Variants in MRPS16 observed in about 807,000 individuals in gnomAD.
MRPS16 encodes the protein mitochondrial ribosomal protein S16.
A neutral mutation model predicts 11.0 loss-of-function variants in MRPS16; 5 were observed. That is an observed-to-expected ratio of 0.46 (90% CI 0.24 to 0.96). MRPS16 has a LOEUF of 0.96. Ranked by LOEUF, MRPS16 falls within the 40% of genes least tolerant of loss-of-function variation. The pLI is 0.20. For missense variants in MRPS16, 179 were observed against 174.4 expected, an observed-to-expected ratio of 1.03 and a Z score of -0.15; for synonymous variants, 76 against 65.0, an observed-to-expected ratio of 1.17 and a Z score of -0.81.
intron 1 of MRPS16, 108 bp from the exon 2 acceptor site, chr10:73,252,131 T>C (rs1017113138): frequency 6.9e-7 from 1 of 1,459,846 alleles, no homozygotes; most frequent in African/African-American, 1.4e-5. Context: ...TCCAATCCAT[T>C]CCTGTCAATC....
chr10:73,252,142 C>T, intron 1 of MRPS16, 119 bp from the exon 2 acceptor site: 5 of 1,417,978 alleles, frequency 3.5e-6, no homozygotes, highest in Non-Finnish European at 4.8e-6. Flanking sequence ...CCTGTCAATC[C>T]AGTTTAGATG....
At chr10:73,252,353 G>A (rs1434554643) in intron 1 of MRPS16, 117 bp downstream of exon 1, 2 of 1,427,306 alleles carry the variant, frequency 1.4e-6, no homozygotes, top group Middle Eastern at 2.2e-4. Context: ...GTAAGGCAGT[G>A]TGGCTGCTTC....
In MRPS16 at chr10:73,250,996, A is replaced by C. The variant is rs763591161; in HGVS notation, c.275-5T>G. On this transcript the variant is annotated splice_polypyrimidine_tract_variant and splice_region_variant and intron_variant, in intron 2 of 2. Transcript: ENST00000372945. ...GAGGGAAAAAGCCAGCAAGACCTAA[A>C]AGTAACAGATTTTTCACTTATTATA... 9 of 1,614,042 alleles carry C rather than the reference A, an allele frequency of 5.6e-6. No individual in the cohort carries two copies. Among genetic ancestry groups the C allele is most frequent in the Non-Finnish European group, 5.1e-6 (6 of 1,179,948 alleles).
At chr10:73,251,333 G>A (rs2044090530) in intron 2 of MRPS16, among the ~76,000 whole-genome samples, 1 of 151,998 alleles carries the variant, frequency 6.6e-6, no homozygotes, top group African/African-American at 2.4e-5. Context: ...CACAACTTCA[G>A]CTCCCACTTC....
In MRPS16 at chr10:73,250,788, G is replaced by T; in HGVS notation, c.*64C>A. 1 of 1,588,420 alleles carries T rather than the reference G, an allele frequency of 6.3e-7. No homozygotes were observed. The highest frequency in any genetic ancestry group is 1.1e-5 in the South Asian group (1 of 90,430). ...CTCCAAATCTAACAAAATTAAGATCGCTGCAGTGTTTCAAAAGGACCTTGA... is the reference window on the plus strand; with the variant it reads ...CTCCAAATCTAACAAAATTAAGATCTCTGCAGTGTTTCAAAAGGACCTTGA... On this transcript the variant is annotated 3_prime_UTR_variant, in exon 3 of 3. Transcript: ENST00000372945.
intron 1 of MRPS16, 116 bp from the exon 2 acceptor site, chr10:73,252,139 A>G (rs1260767729): frequency 6.9e-7 from 1 of 1,448,242 alleles, no homozygotes; most frequent in African/African-American, 1.4e-5. Context: ...ATTCCTGTCA[A>G]TCCAGTTTAG....
In MRPS16 at chr10:73,251,648, T is replaced by C. The variant is rs1165967860; in HGVS notation, c.274+115A>G. 47 of 1,468,906 alleles carry C rather than the reference T, an allele frequency of 3.2e-5. 1 individual carries two copies. In the South Asian group the frequency reaches 5.1e-4, roughly 16 times the overall value. The allele number at this position is 1,468,906 out of a possible 1,614,324, so 91.0% of individuals were successfully genotyped here. A position where few individuals can be genotyped will look rare whatever the true frequency, so the allele number is the denominator to read the frequency against. On this transcript the variant is annotated intron_variant, in intron 2 of 2. Coordinates refer to ENST00000372945, the MANE Select transcript of MRPS16 (RefSeq NM_016065.4). ...CGCCCGCCTCGGCCTCCCAAAGCGC[T>C]GAGATTACAGGCGTGAGCCACCGTG...
At position 73,249,030 on chromosome 10, in the gene MRPS16, T is replaced by C. The variant is rs1344699024; in HGVS notation, c.*1822A>G. On this transcript the variant is annotated 3_prime_UTR_variant, in exon 3 of 3. Transcript: ENST00000372945. Reference sequence around the variant, plus strand: ...GCCTCCTGGGCTCAAGTGATCTTACTGCCTCAGCTTCCCGAGTAGCTGGAA... The same window carrying C: ...GCCTCCTGGGCTCAAGTGATCTTACCGCCTCAGCTTCCCGAGTAGCTGGAA... The C allele has an allele frequency of 3.4e-6, 2 of 589,120 alleles. No individual in the cohort carries two copies. Among genetic ancestry groups the C allele is most frequent in the Non-Finnish European group, 6.4e-6 (2 of 312,004 alleles). 36.5% of individuals were successfully genotyped at this position (589,120 alleles called of 1,614,324 possible).
intron 1 of MRPS16, 72 bp downstream of exon 1, chr10:73,252,398 T>C (rs1466598380): frequency 6.2e-7 from 1 of 1,600,760 alleles, no homozygotes; most frequent in Non-Finnish European, 8.5e-7. Context: ...CTGGGAGAGC[T>C]CTCCCCACCC....
intron 1 of MRPS16, 147 bp downstream of exon 1, chr10:73,252,323 A>G: frequency 7.8e-7 from 1 of 1,287,744 alleles, no homozygotes; most frequent in Non-Finnish European, 1.1e-6. Flanking sequence ...GTGGGGAAAA[A>G]ACTGAGAGAA....
At chr10:73,251,115 A>T in intron 2 of MRPS16, 124 bp from the exon 3 acceptor site, 4 of 1,110,872 alleles carry the variant, frequency 3.6e-6, no homozygotes, top group Non-Finnish European at 5.4e-6. Flanking sequence ...CATGCTCCTC[A>T]CTTGCCAAAC....
rs760124734 is a variant in MRPS16 at position 73,250,985 on chromosome 10, G to C, written c.281C>G (p.Ala94Gly). The change falls in exon 3 of 3, where the codon GCT becomes GGT. Residue 94 changes from alanine to glycine, a missense_variant. Physicochemically the swap from Ala to Gly is moderately conservative, Grantham distance 60. Transcript: ENST00000372945. ...SKPMEKLLGL[A>G]GFFPLHPMMI... The stretch of plus-strand genomic sequence containing the variant: ...CATAGGATGCAGAGGGAAAAAGCCA[G>C]CAAGACCTAAAAGTAACAGATTTTT... 1.2e-6 allele frequency: 2 copies of C among 1,614,112 alleles called. No individual in the cohort carries two copies. The highest frequency in any genetic ancestry group is 1.7e-6 in the Non-Finnish European group (2 of 1,179,984).
At chr10:73,252,302 G>A (rs1421838286) in intron 1 of MRPS16, 168 bp downstream of exon 1, 1 of 1,180,376 alleles carries the variant, frequency 8.5e-7, no homozygotes, top group Non-Finnish European at 1.2e-6. Context: ...AAATTTTTCA[G>A]CGGTGATTAA....
rs2044111140 is a variant in MRPS16 at position 73,251,917 on chromosome 10, C to CT, written c.119dup (p.Cys41ValfsTer15). On this transcript the variant is annotated frameshift_variant, in exon 2 of 3. Transcript: ENST00000372945. LOFTEE classifies it high-confidence loss of function. ...CTACGAAACGGCCATCCCTGGGACACTTGTTGTGAGCAGCCACAATGCGGT... is the reference window on the plus strand; with the variant it reads ...CTACGAAACGGCCATCCCTGGGACACTTTGTTGTGAGCAGCCACAATGCGGT... 6.2e-7 allele frequency: 1 copy of CT among 1,614,068 alleles called. No homozygotes were observed. Among genetic ancestry groups the CT allele is most frequent in the Non-Finnish European group, 8.5e-7 (1 of 1,180,050 alleles).
In MRPS16 at chr10:73,250,623, G is replaced by A. The variant is rs1391588294; in HGVS notation, c.*229C>T. 6 of 541,324 alleles carry A rather than the reference G, an allele frequency of 1.1e-5. No individual in the cohort carries two copies. The highest frequency in any genetic ancestry group is 2.0e-5 in the Non-Finnish European group (6 of 303,574). The allele number at this position is 541,324 out of a possible 1,614,324, so 33.5% of individuals were successfully genotyped here. ...AAAGTCCAATCCTCCCATAGCCACT[G>A]TCTATCCCAAGACAAAGTCGAAAAA... On this transcript the variant is annotated 3_prime_UTR_variant, in exon 3 of 3. Transcript: ENST00000372945.
At position 73,250,606 on chromosome 10, in the gene MRPS16, A is replaced by G. The variant is rs999795130; in HGVS notation, c.*246T>C. The G allele has an allele frequency of 5.2e-5, 26 of 499,688 alleles. No individual in the cohort carries two copies. The highest frequency in any genetic ancestry group is 5.6e-4 in the Middle Eastern group (1 of 1,782). 31.0% of individuals were successfully genotyped at this position (499,688 alleles called of 1,614,324 possible). ...ACCCAGAGCCCAACTCAAAAGTCCAATCCTCCCATAGCCACTGTCTATCCC... is the reference window on the plus strand; with the variant it reads ...ACCCAGAGCCCAACTCAAAAGTCCAGTCCTCCCATAGCCACTGTCTATCCC... On this transcript the variant is annotated 3_prime_UTR_variant, in exon 3 of 3. Transcript: ENST00000372945.
In MRPS16 at chr10:73,251,827, T is replaced by A; in HGVS notation, c.210A>T (p.Leu70=). ...AGCCAATCCAATGACGGATCCTGTC[T>A]AGGTTGAGGGCAACGAGTTTTTCTC... ...SHGEKLVALN[L]DRIRHWIGCG... is the part of the protein sequence containing the mutation. The change falls in exon 2 of 3, where the codon CTA becomes CTT. Residue 70 remains leucine, a synonymous_variant. Coordinates refer to ENST00000372945, the MANE Select transcript of MRPS16 (RefSeq NM_016065.4). 6.2e-7 allele frequency: 1 copy of A among 1,614,214 alleles called. No individual in the cohort carries two copies. Among genetic ancestry groups the A allele is most frequent in the Non-Finnish European group, 8.5e-7 (1 of 1,180,036 alleles).
Position 73,249,374 on chromosome 10 carries a change from T to C in MRPS16, c.*1478A>G. On this transcript the variant is annotated 3_prime_UTR_variant, in exon 3 of 3. Coordinates refer to ENST00000372945, the MANE Select transcript of MRPS16 (RefSeq NM_016065.4). ...TAGAACTAAAGTATACTGAAGTTAT[T>C]CAAATACATTCAAACTATAAAGATC... 1.4e-6 allele frequency: 2 copies of C among 1,466,588 alleles called. No individual in the cohort carries two copies. The highest frequency in any genetic ancestry group is 1.9e-6 in the Non-Finnish European group (2 of 1,075,954). The allele number at this position is 1,466,588 out of a possible 1,614,324, so 90.8% of individuals were successfully genotyped here.
At chr10:73,252,079 C>A in intron 1 of MRPS16, 56 bp from the exon 2 acceptor site, 1 of 1,574,268 alleles carries the variant, frequency 6.4e-7, no homozygotes, top group African/African-American at 1.4e-5. Context: ...GACAAAATGA[C>A]ACAGACGGCA....
Sources: gnomAD v4.1 joint callset for allele counts (sites outside exome capture counted in the v4.1 genomes callset) on GRCh38, gnomAD v4.1.1 for gene constraint, MANE v1.5 for transcripts, NCBI Gene and HGNC (gene_info 2026-07-23, HGNC 2026-07-21) for gene names.